Variants in UCP3 observed in about 807,000 individuals in gnomAD.
UCP3 encodes uncoupling protein 3.
In UCP3, 24 loss-of-function variants were observed where a neutral mutation model predicts 28.1. The observed-to-expected ratio is 0.85, with a 90% CI of 0.62 to 1.20. The LOEUF is 1.20. Among genes scored for constraint, UCP3 ranks in the 50% most tolerant of loss-of-function variants. The probability of loss-of-function intolerance (pLI) is 0.00; values close to 1 mark genes in which losing one functional copy is unlikely to be tolerated. For synonymous variants in UCP3, 184 were observed against 171.2 expected (o/e 1.07, Z -0.59); for missense variants, 397 against 422.2 (o/e 0.94, Z 0.52).
chr11:74,001,550 A>G (rs777919456), intron 6 of UCP3, 24 bp from the exon 7 acceptor site: 2 of 1,610,366 alleles, frequency 1.2e-6, no homozygotes, highest in African/African-American at 1.3e-5. Context: ...CAACCAACAC[A>G]TCAGGTGGAG....
rs1951616428 is a variant in UCP3, at chr11:74,000,817, C to G, written c.*595G>C. On this transcript the variant is annotated 3_prime_UTR_variant, in exon 7 of 7. Transcript: ENST00000314032. ...TTACGAGCCCCAGCCTCACATGGGC[C>G]CAGCAGGGCTTCTTTAGCACAGGCT... 6.6e-6 allele frequency: 1 copy of G among 152,542 alleles called. No homozygotes were observed. The highest frequency in any genetic ancestry group is 1.5e-5 in the Non-Finnish European group (1 of 68,336). The allele number at this position is 152,542 out of a possible 1,614,324, so 9.4% of individuals were successfully genotyped here. A position where few individuals can be genotyped will look rare whatever the true frequency, so the allele number is the denominator to read the frequency against.
intron 4 of UCP3, 111 bp from the exon 5 acceptor site, chr11:74,004,696 T>TA: frequency 1.0e-6 from 1 of 956,404 alleles, no homozygotes; most frequent in Non-Finnish European, 1.6e-6. Flanking sequence ...TTTGGGGCCA[T>TA]AGTGCCCCAT....
Position 74,000,935 on chromosome 11 carries a change from T to C in UCP3, c.*477A>G, listed in dbSNP as rs1951617173. 1 of 179,266 alleles carries C rather than the reference T, an allele frequency of 5.6e-6. No homozygotes were observed. The highest frequency in any genetic ancestry group is 1.2e-5 in the Non-Finnish European group (1 of 85,000). The allele number at this position is 179,266 out of a possible 1,614,324, so 11.1% of individuals were successfully genotyped here. ...AAATAGGCTGATGATGCATGTGTGA[T>C]GGTGCAGCTGCAGTCGCCAGCTCTG... On this transcript the variant is annotated 3_prime_UTR_variant, in exon 7 of 7. Transcript: ENST00000314032.
intron 4 of UCP3, among the ~76,000 whole-genome samples, chr11:74,005,376 C>T (rs1565191162): frequency 6.6e-6 from 1 of 151,928 alleles, no homozygotes; most frequent in Non-Finnish European, 1.5e-5. Flanking sequence ...TAGGTGTCAC[C>T]TTCTCTGCAG....
intron 4 of UCP3, 132 bp from the exon 5 acceptor site, chr11:74,004,717 T>A: frequency 1.3e-6 from 1 of 765,526 alleles, no homozygotes; most frequent in Non-Finnish European, 2.1e-6. Flanking sequence ...TCCAATGGTC[T>A]CAGCCAGAGG....
At chr11:74,001,874 G>A (rs774212075) in intron 6 of UCP3, 2 of 320,696 alleles carry the variant, frequency 6.2e-6, no homozygotes, top group Non-Finnish European at 1.2e-5. Context: ...CGGCTAGTAA[G>A]TGTCAGAGGT....
At position 74,001,426 on chromosome 11, in the gene UCP3, C is replaced by T. The variant is rs1951620655; in HGVS notation, c.925G>A (p.Glu309Lys). 3 of 1,614,154 alleles carry T rather than the reference C, an allele frequency of 1.9e-6. No individual in the cohort carries two copies. Among genetic ancestry groups the T allele is most frequent in the East Asian group, 2.2e-5 (1 of 44,872 alleles). The change falls in exon 7 of 7, where the codon GAA becomes AAA. Residue 309 changes from glutamate to lysine, a missense_variant. Glu to Lys is a moderately conservative substitution (Grantham distance 56, BLOSUM62 1). Coordinates refer to ENST00000314032, the MANE Select transcript of UCP3 (RefSeq NM_003356.4). ...RALMKVQMLR[E>K]SPF ...TCTTGTCTTGTTCAAAACGGTGATT[C>T]CCGTAACATCTGGACTTTCATCAGG...
intron 5 of UCP3, 136 bp from the exon 6 acceptor site, chr11:74,004,143 G>A: frequency 6.9e-7 from 1 of 1,453,376 alleles, no homozygotes. Flanking sequence ...AGTGCCCTGG[G>A]CTAAGCTCTT....
chr11:74,006,922 G>C lies in UCP3; in HGVS notation c.121C>G (p.Leu41Val), dbSNP rs201532497. ...TFPLDTAKVR[L>V]QIQGENQAVQ... is the part of the protein sequence containing the mutation. ...CTTGGCCAAAGGGCACCTACCTGCAGGCGGACCTTGGCTGTGTCCAGTGGA... is the reference window on the plus strand; with the variant it reads ...CTTGGCCAAAGGGCACCTACCTGCACGCGGACCTTGGCTGTGTCCAGTGGA... The change falls in exon 2 of 7, where the codon CTG (leucine) becomes GTG (valine). Residue 41 changes from leucine to valine, a missense_variant. Coordinates refer to ENST00000314032, the MANE Select transcript of UCP3 (RefSeq NM_003356.4). The C allele has an allele frequency of 5.0e-6, 8 of 1,614,178 alleles. No individual in the cohort carries two copies. In the Admixed American group the frequency reaches 1.0e-4, roughly 20 times the overall value.
rs181883754 is a variant in UCP3, at chr11:74,006,980, G to C, written c.63C>G (p.Gly21=). The change falls in exon 2 of 7, where the codon GGC becomes GGG. Residue 21 remains glycine, a synonymous_variant. Coordinates refer to ENST00000314032, the MANE Select transcript of UCP3 (RefSeq NM_003356.4). ...PTMAVKFLGA[G]TAACFADLVT... ...CGAGGTCAGCAAAACAGGCTGCTGT[G>C]CCTGCCCCCAGGAACTTCACAGCCA... The C allele has an allele frequency of 3.9e-4, 631 of 1,614,190 alleles. 1 individual carries two copies. The highest frequency in any genetic ancestry group is 3.0e-3 in the Middle Eastern group (18 of 6,062).
intron 1 of UCP3, chr11:74,007,437 C>CTTT: frequency 5.6e-6 from 1 of 177,900 alleles, no homozygotes; most frequent in Non-Finnish European, 1.2e-5. Context: ...AAACTGCCTC[C>CTTT]TTTTTTTTTT....
At chr11:74,007,769 T>A (rs1951677900) in intron 1 of UCP3, among the ~76,000 whole-genome samples, 1 of 152,130 alleles carries the variant, frequency 6.6e-6, no homozygotes, top group South Asian at 2.1e-4. Flanking sequence ...TCTAGAACTT[T>A]CAGTAGTCAA....
intron 6 of UCP3, 34 bp downstream of exon 6, chr11:74,003,793 T>C: frequency 6.5e-7 from 1 of 1,544,730 alleles, no homozygotes; most frequent in Non-Finnish European, 8.7e-7. Context: ...CCCTGTTCTC[T>C]GGGAGGGAGT....
rs141482270 is a variant in UCP3 at position 74,007,032 on chromosome 11, A to G, written c.11T>C (p.Leu4Pro). 8.1e-6 allele frequency: 13 copies of G among 1,613,912 alleles called. No individual in the cohort carries two copies. Among genetic ancestry groups the G allele is most frequent in the Non-Finnish European group, 9.3e-6 (11 of 1,180,022 alleles). MVG[L>P]KPSDVPPTMA... ...GGTGGGAGGCACGTCTGAAGGCTTC[A>G]GTCCAACCATAGTCCTGGAAGGCTC... Residue 4 changes from leucine to proline, a missense_variant, in exon 2 of 7, where the codon CTG becomes CCG. By Grantham distance (98) the Leu-to-Pro change is moderately conservative. Coordinates refer to ENST00000314032, the MANE Select transcript of UCP3 (RefSeq NM_003356.4).
chr11:74,004,585 C>G lies in UCP3; in HGVS notation c.542G>C (p.Gly181Ala). ...REEGVRGLWK[G>A]TLPNIMRNAI... ...ATTCCTCATGATGTTGGGCAAAGTTCCTGTTAGGAAGGCGGTGGGGAGGGA... is the reference window on the plus strand; with the variant it reads ...ATTCCTCATGATGTTGGGCAAAGTTGCTGTTAGGAAGGCGGTGGGGAGGGA... The change falls in exon 5 of 7, where the codon GGA becomes GCA. Residue 181 changes from glycine to alanine, a missense_variant and splice_region_variant. By Grantham distance (60) the Gly-to-Ala change is moderately conservative. Coordinates refer to ENST00000314032, the MANE Select transcript of UCP3 (RefSeq NM_003356.4). 1 of 1,613,266 alleles carries G rather than the reference C, an allele frequency of 6.2e-7. No individual in the cohort carries two copies. The highest frequency in any genetic ancestry group is 2.2e-5 in the East Asian group (1 of 44,824).
Position 74,006,160 on chromosome 11 carries a change from G to A in UCP3, c.337+9C>T. On this transcript the variant is annotated intron_variant, in intron 3 of 6. Coordinates refer to ENST00000314032, the MANE Select transcript of UCP3 (RefSeq NM_003356.4). ...CACCCCTTTGGTGTTCAGGGACCTGGTCACTCACTGTCCGCGCCTTTGGGG... is the reference window on the plus strand; with the variant it reads ...CACCCCTTTGGTGTTCAGGGACCTGATCACTCACTGTCCGCGCCTTTGGGG... The A allele has an allele frequency of 1.2e-6, 2 of 1,613,976 alleles. No homozygotes were observed. The highest frequency in any genetic ancestry group is 1.7e-6 in the Non-Finnish European group (2 of 1,179,990).
At chr11:74,006,868 T>C in intron 2 of UCP3, 49 bp downstream of exon 2, 1 of 1,613,736 alleles carries the variant, frequency 6.2e-7, no homozygotes, top group Non-Finnish European at 8.5e-7. Flanking sequence ...GGGAGAGAAC[T>C]AGCCCCTCCT....
intron 6 of UCP3, among the ~76,000 whole-genome samples, chr11:74,003,158 C>T (rs1203128970): frequency 6.6e-6 from 1 of 152,208 alleles, no homozygotes; most frequent in Non-Finnish European, 1.5e-5. Flanking sequence ...TCATAAACAA[C>T]CTGCATTATC....
At chr11:74,006,784 G>A in intron 2 of UCP3, 133 bp downstream of exon 2, 4 of 1,433,936 alleles carry the variant, frequency 2.8e-6, no homozygotes, top group Non-Finnish European at 3.9e-6. Context: ...GCAAGGAAGG[G>A]TCCTAAGCAG....
Sources: gnomAD v4.1 joint callset for allele counts (sites outside exome capture counted in the v4.1 genomes callset) on GRCh38, gnomAD v4.1.1 for gene constraint, MANE v1.5 for transcripts, NCBI Gene and HGNC (gene_info 2026-07-23, HGNC 2026-07-21) for gene names.